Variants in WIPF1 observed in about 807,000 individuals in gnomAD.
WIPF1 encodes the protein WAS/WASL-interacting protein family member 1.
A neutral mutation model predicts 35.4 loss-of-function variants in WIPF1; 13 were observed. The observed-to-expected ratio is 0.37, with a 90% confidence interval of 0.24 to 0.58. WIPF1 has a LOEUF of 0.58. Ranked by LOEUF, WIPF1 falls within the 20% of genes least tolerant of loss-of-function variation. WIPF1 has a pLI of 0.74. For synonymous variants in WIPF1, 267 were observed against 266.3 expected (o/e 1.00, Z -0.02); for missense variants, 591 against 667.0 (o/e 0.89, Z 1.25).
chr2:174,674,297 C>T (rs1395378140), intron 1 of WIPF1, among the ~76,000 whole-genome samples: 1 of 152,178 alleles, frequency 6.6e-6, no homozygotes, highest in African/African-American at 2.4e-5. Flanking sequence ...TCTCAAAGAA[C>T]CTTTGTCTTC....
At chr2:174,649,449 G>A (rs1268386339) in intron 1 of WIPF1, among the ~76,000 whole-genome samples, 1 of 152,104 alleles carries the variant, frequency 6.6e-6, no homozygotes, top group Admixed American at 6.5e-5. Flanking sequence ...TACCCCAGGA[G>A]ACAATATTCC....
Position 174,575,219 on chromosome 2 carries a change from C to T in WIPF1, c.343G>A (p.Ala115Thr). Reference sequence around the variant, plus strand: ...CTCTCCTTACCATTATCCCTGTTGGCCGTGGATCTCAGCTTCGGCATTCCA... The same window carrying T: ...CTCTCCTTACCATTATCCCTGTTGGTCGTGGATCTCAGCTTCGGCATTCCA... ...QAGMPKLRST[A>T]NRDNDSGGSR... Residue 115 changes from alanine to threonine, a missense_variant, in exon 4 of 8, where the codon GCC (alanine) becomes ACC (threonine). Ala to Thr is a moderately conservative substitution (Grantham distance 58, BLOSUM62 0). Around this residue, in one of 3 missense-constraint regions of WIPF1, gnomAD observed 471 missense variants for 501.1 expected, o/e 0.94. Coordinates refer to ENST00000679041, the MANE Select transcript of WIPF1 (RefSeq NM_001375834.1). The T allele has an allele frequency of 6.2e-7, 1 of 1,611,296 alleles. No homozygotes were observed. The highest frequency in any genetic ancestry group is 8.5e-7 in the Non-Finnish European group (1 of 1,178,256).
rs1559148539 is a variant in WIPF1, at chr2:174,575,255, A to C, written c.307T>G (p.Leu103Val). The C allele has an allele frequency of 1.2e-6, 2 of 1,613,756 alleles. No individual in the cohort carries two copies. Among genetic ancestry groups the C allele is most frequent in the Non-Finnish European group, 1.7e-6 (2 of 1,179,840 alleles). ...AGCTTCGGCATTCCAGCCTGGAACA[A>C]TCCTCCCAGACCTGGAGGTCCGCCC... is the stretch of plus-strand genomic sequence containing the variant. ...GGGGPPGLGG[L>V]FQAGMPKLRS... Residue 103 changes from leucine (L) to valine (V), a missense_variant, in exon 4 of 8, where the codon TTG becomes GTG. By Grantham distance (32) the Leu-to-Val change is conservative. Around this residue, in one of 3 missense-constraint regions of WIPF1, gnomAD observed 471 missense variants for 501.1 expected, o/e 0.94. Transcript: ENST00000679041.
At position 174,620,523 on chromosome 2, in the gene WIPF1, T is replaced by G. The variant is rs1443132531; in HGVS notation, c.-38-34912A>C. Among the ~76,000 whole-genome samples, 3 of 152,374 alleles carry G rather than the reference T, an allele frequency of 2.0e-5. No individual in the cohort carries two copies. In the East Asian group the frequency reaches 5.8e-4, roughly 29 times the overall value. ...TAAAAATTCACACCTAGTTACTACT[T>G]TATTTTCAAGATCTCTGCTAAAATC... On this transcript the variant is annotated intron_variant, in intron 1 of 8. Coordinates refer to the WIPF1 transcript ENST00000272746.
At chr2:174,575,774 C>G (rs1685039812) in intron 3 of WIPF1, among the ~76,000 whole-genome samples, 1 of 151,168 alleles carries the variant, frequency 6.6e-6, no homozygotes, top group South Asian at 2.1e-4. Context: ...CCAGGGAGGT[C>G]AAGACTGCAG....
rs183754857 is a variant in WIPF1, at chr2:174,649,234, A to G, written c.-39+33540T>C. On this transcript the variant is annotated intron_variant, in intron 1 of 8. Transcript: ENST00000272746. The stretch of plus-strand genomic sequence containing the variant: ...CTGAGCCCATAAATGGCAACTAGCT[A>G]CTTCATCTGTGTATTGGGTACACAC... Among the ~76,000 whole-genome samples, 30 of 152,316 alleles carry G rather than the reference A, an allele frequency of 2.0e-4. 1 individual carries two copies. Among genetic ancestry groups the G allele is most frequent in the African/African-American group, 7.0e-4 (29 of 41,560 alleles).
intron 1 of WIPF1, among the ~76,000 whole-genome samples, chr2:174,646,976 G>A (rs1030921750): frequency 1.3e-5 from 2 of 152,144 alleles, no homozygotes; most frequent in Non-Finnish European, 2.9e-5. Flanking sequence ...GAAATCAAAC[G>A]GAACAGAGCT....
intron 1 of WIPF1, among the ~76,000 whole-genome samples, chr2:174,641,716 CTCA>C (rs1687297493): frequency 1.3e-5 from 2 of 152,244 alleles, no homozygotes; most frequent in South Asian, 4.1e-4. Flanking sequence ...TAGTGCCTTA[CTCA>C]TCTCACCAGT....
chr2:174,628,042 G>A lies in WIPF1; in HGVS notation c.-38-42431C>T, dbSNP rs76295700. ...TAGAACACTACATCAAGCACAGAGC[G>A]TTATCATAGAGGTCCCCACATCTCC... On this transcript the variant is annotated intron_variant, in intron 1 of 8. Transcript: ENST00000272746. 7.8e-3 allele frequency among the ~76,000 whole-genome samples: 1,188 copies of A among 152,170 alleles called. 7 individuals are homozygous for A. The highest frequency in any genetic ancestry group is 0.012 in the Admixed American group (179 of 15,282).
At chr2:174,569,701 A>T (rs925630043) in intron 5 of WIPF1, among the ~76,000 whole-genome samples, 1 of 152,212 alleles carries the variant, frequency 6.6e-6, no homozygotes, top group African/African-American at 2.4e-5. Flanking sequence ...ACCACTATAC[A>T]TGCTTGTCTC....
chr2:174,594,444 G>T lies in WIPF1; in HGVS notation c.-39+3157C>A, dbSNP rs1685730657. On this transcript the variant is annotated intron_variant, in intron 1 of 7. Transcript: ENST00000679041. ...TTAATACAAATTCACAGACATCGAA[G>T]ACCCTTTTAATAGTGAGAAAATGAA... Among the ~76,000 whole-genome samples, 4 of 152,200 alleles carry T rather than the reference G, an allele frequency of 2.6e-5. No homozygotes were observed. The South Asian group carries it at 8.3e-4, about 32-fold the overall frequency.
At chr2:174,682,382 A>T (rs1295033682) in intron 1 of WIPF1, among the ~76,000 whole-genome samples, 2 of 152,166 alleles carry the variant, frequency 1.3e-5, no homozygotes, top group African/African-American at 2.4e-5. Flanking sequence ...GTGTAGGTGC[A>T]GCCCCAGGGC....
chr2:174,587,232 G>C (rs1386469210), intron 1 of WIPF1, among the ~76,000 whole-genome samples: 5 of 152,050 alleles, frequency 3.3e-5, no homozygotes, highest in Non-Finnish European at 1.5e-5. Context: ...GCCCAGGCTA[G>C]TTTTGAACTC....
chr2:174,604,105 G>A (rs1314878777), intron 1 of WIPF1, among the ~76,000 whole-genome samples: 1 of 152,216 alleles, frequency 6.6e-6, no homozygotes, highest in African/African-American at 2.4e-5. Flanking sequence ...GAAGTTATAA[G>A]CAGACATCTG....
intron 1 of WIPF1, among the ~76,000 whole-genome samples, chr2:174,640,573 G>A (rs1176899500): frequency 3.3e-5 from 5 of 151,654 alleles, no homozygotes; most frequent in Non-Finnish European, 7.4e-5. Context: ...GATATCCCAT[G>A]TACATGGATT....
chr2:174,660,635 C>T (rs1035523362), intron 1 of WIPF1, among the ~76,000 whole-genome samples: 1 of 152,116 alleles, frequency 6.6e-6, no homozygotes, highest in Admixed American at 6.5e-5. Flanking sequence ...GCTTGAGGCA[C>T]AGTGTGTCAG....
intron 5 of WIPF1, chr2:174,568,889 A>G (rs1374186941): frequency 6.6e-6 from 1 of 152,234 alleles, no homozygotes; most frequent in Non-Finnish European, 1.5e-5. Context: ...AAAATGTAGC[A>G]GTATGGTATA....
chr2:174,676,348 C>G (rs1199753484), intron 1 of WIPF1: 1 of 103,688 alleles, frequency 9.6e-6, no homozygotes, highest in Non-Finnish European at 1.7e-5. Flanking sequence ...TTGACAGGGT[C>G]TCACTCTGTT....
chr2:174,637,335 G>T (rs558113113), intron 1 of WIPF1, among the ~76,000 whole-genome samples: 3 of 151,516 alleles, frequency 2.0e-5, no homozygotes, highest in African/African-American at 4.9e-5. Context: ...TTATGATTTT[G>T]GTTTCTTTTT....
Sources: allele counts gnomAD v4.1 joint callset (sites outside exome capture counted in the v4.1 genomes callset), GRCh38; gene constraint gnomAD v4.1.1; regional missense constraint gnomAD v4.1.1; transcripts MANE v1.5; gene names NCBI Gene and HGNC (gene_info 2026-07-23, HGNC 2026-07-21).